Variants in MAP4 observed in about 807,000 individuals in gnomAD.
MAP4 encodes microtubule-associated protein 4.
Under a neutral mutation model 170.2 loss-of-function variants are expected in MAP4, and 76 were observed. That is an observed-to-expected ratio of 0.45 (90% CI 0.37 to 0.54). The LOEUF (loss-of-function observed/expected upper bound fraction) is 0.54. Ranked by LOEUF, MAP4 falls within the 20% of genes least tolerant of loss-of-function variation. MAP4 has a pLI of 0.00. For missense variants in MAP4, 2,506 were observed against 2,748.0 expected, an observed-to-expected ratio of 0.91 and a Z score of 1.97; for synonymous variants, 909 against 994.5, an observed-to-expected ratio of 0.91 and a Z score of 1.62.
chr3:47,964,981 T>C (rs2100073970), intron 3 of MAP4, among the ~76,000 whole-genome samples: 1 of 152,164 alleles, frequency 6.6e-6, no homozygotes, highest in African/African-American at 2.4e-5. Flanking sequence ...ATCAGAAACT[T>C]TGTACCCATT....
chr3:48,073,387 G>C (rs1553754007), intron 1 of MAP4, among the ~76,000 whole-genome samples: 5 of 151,366 alleles, frequency 3.3e-5, no homozygotes, highest in Non-Finnish European at 1.5e-5. Flanking sequence ...GAGGCGGGTG[G>C]GATCACCTGA....
At chr3:48,063,143 C>T (rs927176144) in intron 1 of MAP4, among the ~76,000 whole-genome samples, 1 of 150,352 alleles carries the variant, frequency 6.7e-6, no homozygotes, top group Non-Finnish European at 1.5e-5. Context: ...ACTTCAAATT[C>T]ATTAAAAAAA....
At chr3:47,990,516 T>C (rs963771475) in intron 2 of MAP4, among the ~76,000 whole-genome samples, 3 of 152,230 alleles carry the variant, frequency 2.0e-5, no homozygotes, top group African/African-American at 7.2e-5. Context: ...AATAAGCTTT[T>C]AGCTTCAAAG....
At chr3:47,863,029 T>G (rs1289623408) in intron 17 of MAP4, among the ~76,000 whole-genome samples, 3 of 150,938 alleles carry the variant, frequency 2.0e-5, no homozygotes, top group Non-Finnish European at 4.4e-5. Flanking sequence ...CAGGCTGGAG[T>G]GCAATGGCAC....
chr3:47,881,196 T>C (rs1011718316), intron 10 of MAP4, among the ~76,000 whole-genome samples: 4 of 151,964 alleles, frequency 2.6e-5, no homozygotes, highest in Admixed American at 6.6e-5. Context: ...TAATCTTTAA[T>C]CCCAGCACTT....
chr3:47,926,772 G>C (rs2100046245), intron 4 of MAP4, among the ~76,000 whole-genome samples: 1 of 152,140 alleles, frequency 6.6e-6, no homozygotes, highest in African/African-American at 2.4e-5. Context: ...TTGGCCTCAA[G>C]TGATCATCCC....
chr3:47,870,158 C>T (rs746035874), intron 15 of MAP4, among the ~76,000 whole-genome samples: 1 of 152,160 alleles, frequency 6.6e-6, no homozygotes, highest in Non-Finnish European at 1.5e-5. Flanking sequence ...CTTTCATCAC[C>T]ACCTTTTCAC....
At chr3:47,918,693 G>A (rs995194994) in intron 6 of MAP4, 26 bp downstream of exon 6, 18 of 1,582,052 alleles carry the variant, frequency 1.1e-5, no homozygotes, top group Non-Finnish European at 1.6e-5. Context: ...ACCATTAACT[G>A]ATAAAGGGAG....
At chr3:47,889,868 T>C (rs1004572120) in intron 10 of MAP4, among the ~76,000 whole-genome samples, 2 of 151,912 alleles carry the variant, frequency 1.3e-5, no homozygotes, top group African/African-American at 4.8e-5. Context: ...ACTATTAAGC[T>C]TCTTTGCCTC....
At chr3:48,008,017 T>G (rs1579185283) in intron 1 of MAP4, among the ~76,000 whole-genome samples, 1 of 152,218 alleles carries the variant, frequency 6.6e-6, no homozygotes, top group Admixed American at 6.5e-5. Flanking sequence ...AATGTTTGAC[T>G]ATGGGTCATC....
intron 3 of MAP4, among the ~76,000 whole-genome samples, chr3:47,965,602 TATGAAGTGA>T (rs1182766632): frequency 6.6e-6 from 1 of 152,214 alleles, no homozygotes; most frequent in East Asian, 1.9e-4. Context: ...TCCTAATGAG[TATGAAGTGA>T]TATTTCATTG....
chr3:48,041,833 C>T (rs2100121775), intron 1 of MAP4, among the ~76,000 whole-genome samples: 1 of 152,166 alleles, frequency 6.6e-6, no homozygotes, highest in African/African-American at 2.4e-5. Context: ...ACAAGGTTGA[C>T]GGACACATAC....
chr3:47,888,801 C>T lies in MAP4; in HGVS notation c.5435-11278G>A, dbSNP rs964596054. ...TTATTTCTTGTCACATATGTAAAGACGGCTTTGGAATATTTCCTTAACCTA... is the reference window on the plus strand; with the variant it reads ...TTATTTCTTGTCACATATGTAAAGATGGCTTTGGAATATTTCCTTAACCTA... On this transcript the variant is annotated intron_variant, in intron 10 of 20. Coordinates refer to ENST00000683076, the MANE Select transcript of MAP4 (RefSeq NM_001385682.1). Among the ~76,000 whole-genome samples the T allele has an allele frequency of 7.9e-5, 12 of 152,316 alleles. 1 individual carries two copies. The highest frequency in any genetic ancestry group is 6.8e-3 in the Middle Eastern group (2 of 294).
chr3:47,879,118 C>A (rs2096145714), intron 10 of MAP4, among the ~76,000 whole-genome samples: 1 of 151,456 alleles, frequency 6.6e-6, no homozygotes, highest in Non-Finnish European at 1.5e-5. Context: ...AAAGAACAAC[C>A]CAGAAGTCCG....
intron 1 of MAP4, among the ~76,000 whole-genome samples, chr3:48,046,895 C>T (rs1310013572): frequency 6.6e-6 from 1 of 151,386 alleles, no homozygotes; most frequent in African/African-American, 2.4e-5. Flanking sequence ...GAGATCGAGA[C>T]CATCCTGGTT....
intron 3 of MAP4, chr3:47,973,350 A>AC: frequency 1.0e-6 from 1 of 985,398 alleles, no homozygotes; most frequent in Non-Finnish European, 1.2e-6. Context: ...TGGCTGCCTC[A>AC]CCATTGAGAT....
intron 10 of MAP4, chr3:47,892,701 GAAAGA>G: frequency 7.3e-7 from 1 of 1,367,130 alleles, no homozygotes; most frequent in Non-Finnish European, 9.4e-7. Flanking sequence ...GAATGAAAGC[GAAAGA>G]AAGGAAGGAA....
intron 1 of MAP4, among the ~76,000 whole-genome samples, chr3:48,003,921 T>A (rs2100100744): frequency 6.6e-6 from 1 of 152,134 alleles, no homozygotes; most frequent in South Asian, 2.1e-4. Context: ...TACATCTTTC[T>A]CCTGTGCTGG....
intron 1 of MAP4, among the ~76,000 whole-genome samples, chr3:48,059,267 C>A (rs549295458): frequency 3.3e-5 from 5 of 151,978 alleles, no homozygotes; most frequent in African/African-American, 1.2e-4. Context: ...TTAATCCCAA[C>A]ACTTTGGGAG....
Sources: gnomAD v4.1 joint callset for allele counts (sites outside exome capture counted in the v4.1 genomes callset) on GRCh38, gnomAD v4.1.1 for gene constraint, MANE v1.5 for transcripts, NCBI Gene and HGNC (gene_info 2026-07-23, HGNC 2026-07-21) for gene names.